The following BAIAP2L1 variants were observed in gnomAD, a reference collection of about 807,000 sequenced individuals.
The protein encoded by BAIAP2L1 is BAR/IMD domain-containing adapter protein 2-like 1.
In BAIAP2L1, 35 loss-of-function variants were observed where a neutral mutation model predicts 66.3. The observed-to-expected ratio is 0.53, with a 90% CI of 0.40 to 0.70. The LOEUF (loss-of-function observed/expected upper bound fraction) is 0.70, where lower values mean the gene tolerates loss of function less well. Ranked by LOEUF, BAIAP2L1 falls within the 30% of genes least tolerant of loss-of-function variation. BAIAP2L1 has a pLI of 0.00. For synonymous variants in BAIAP2L1, 269 were observed against 248.7 expected (o/e 1.08, Z -0.77); for missense variants, 622 against 656.9 (o/e 0.95, Z 0.58).
Position 98,317,155 on chromosome 7 carries a change from C to A in BAIAP2L1, c.486+64G>T, listed in dbSNP as rs549517081. On this transcript the variant is annotated intron_variant, in intron 6 of 13. Coordinates refer to ENST00000005260, the MANE Select transcript of BAIAP2L1 (RefSeq NM_018842.5). ...GGCGTGAGCCACCGCACCCGGCTAA[C>A]CTCCTCTTAAACTGTGCAAATTGTC... 1.1e-5 allele frequency: 18 copies of A among 1,606,096 alleles called. No homozygotes were observed. In the South Asian group the frequency reaches 1.3e-4, roughly 12 times the overall value.
chr7:98,383,443 T>C (rs1802809226), intron 1 of BAIAP2L1, among the ~76,000 whole-genome samples: 1 of 151,782 alleles, frequency 6.6e-6, no homozygotes. Context: ...GCCACCACGC[T>C]TGGCTAATTA....
In BAIAP2L1 at chr7:98,304,196, A is replaced by G. The variant is rs1424590178; in HGVS notation, c.1422T>C (p.Pro474=). ...APASKPETAA[P]NDANGTAKPP... The stretch of plus-strand genomic sequence containing the variant: ...GACGCCCTGCTGCGGCTTTACTCAC[A>G]GGAGCCGCGGTCTCGGGCTTGGACG... The change falls in exon 12 of 14, where the codon CCT becomes CCC. Residue 474 remains proline, a splice_region_variant and synonymous_variant. Transcript: ENST00000005260. 1 of 1,583,894 alleles carries G rather than the reference A, an allele frequency of 6.3e-7. No homozygotes were observed. Among genetic ancestry groups the G allele is most frequent in the East Asian group, 2.3e-5 (1 of 43,614 alleles).
At chr7:98,352,139 C>A (rs1488076293) in intron 3 of BAIAP2L1, among the ~76,000 whole-genome samples, 1 of 150,674 alleles carries the variant, frequency 6.6e-6, no homozygotes, top group Non-Finnish European at 1.5e-5. Context: ...TAAACAGATA[C>A]GGGGTGCCTT....
chr7:98,353,605 TATGTATATTTATAATATAC>T (rs1256999497), intron 3 of BAIAP2L1, among the ~76,000 whole-genome samples: 1 of 138,642 alleles, frequency 7.2e-6, no homozygotes, highest in Non-Finnish European at 1.5e-5. Flanking sequence ...ATGTATATTA[TATGTATATTTATAATATAC>T]ATATATTTAT....
At position 98,307,698 on chromosome 7, in the gene BAIAP2L1, A is replaced by G; in HGVS notation, c.1154T>C (p.Val385Ala). Residue 385 changes from valine (V) to alanine (A), a missense_variant, in exon 10 of 14, where the codon GTG becomes GCG. By Grantham distance (64) the Val-to-Ala change is moderately conservative (BLOSUM62 0). Transcript: ENST00000005260. ...KDGWLYGEHD[V>A]SKARGWFPSS... is the part of the protein sequence containing the mutation. ...TCACGCCCAGACTTACGCCTTGGAC[A>G]CGTCGTGTTCTCCATAGAGCCAGCC... The G allele has an allele frequency of 6.2e-7, 1 of 1,614,042 alleles. No individual in the cohort carries two copies. Among genetic ancestry groups the G allele is most frequent in the Non-Finnish European group, 8.5e-7 (1 of 1,180,048 alleles).
intron 3 of BAIAP2L1, among the ~76,000 whole-genome samples, chr7:98,348,583 A>AG (rs1333657577): frequency 4.9e-4 from 70 of 143,772 alleles, no homozygotes; most frequent in Middle Eastern, 3.6e-3. Context: ...AAAAAAAAAA[A>AG]AAAGAAAGAA....
intron 1 of BAIAP2L1, among the ~76,000 whole-genome samples, chr7:98,393,540 C>T (rs1803122914): frequency 6.6e-6 from 1 of 151,888 alleles, no homozygotes; most frequent in South Asian, 2.1e-4. Context: ...CTCTGTCGCC[C>T]AGGCTGGAGT....
At chr7:98,315,712 G>C (rs545908325) in intron 6 of BAIAP2L1, 100 bp from the exon 7 acceptor site, 87 of 509,336 alleles carry the variant, frequency 1.7e-4, no homozygotes, top group Admixed American at 1.0e-3. Flanking sequence ...CTTTACACCT[G>C]CTTTATTTGA....
chr7:98,353,326 TATATAAATATATAA>T (rs1212357646), intron 3 of BAIAP2L1, among the ~76,000 whole-genome samples: 1 of 133,958 alleles, frequency 7.5e-6, no homozygotes, highest in Non-Finnish European at 1.5e-5. Flanking sequence ...CCCTAAAATA[TATATAAATATATAA>T]ATATATTTAT....
At position 98,304,287 on chromosome 7, in the gene BAIAP2L1, G is replaced by C. The variant is rs772090261; in HGVS notation, c.1331C>G (p.Ser444Cys). The C allele has an allele frequency of 6.2e-7, 1 of 1,613,724 alleles. No individual in the cohort carries two copies. Among genetic ancestry groups the C allele is most frequent in the Non-Finnish European group, 8.5e-7 (1 of 1,179,784 alleles). The change falls in exon 12 of 14, where the codon TCC becomes TGC. Residue 444 changes from serine to cysteine, a missense_variant. Coordinates refer to ENST00000005260, the MANE Select transcript of BAIAP2L1 (RefSeq NM_018842.5). ...IPPPDYLECL[S>C]MGAAADRRAD... ...TCTCCTGTCGGCAGCTGCCCCCATG[G>C]ACAAGCATTCCAAGTAGTCGGGTGG...
intron 3 of BAIAP2L1, among the ~76,000 whole-genome samples, chr7:98,349,886 A>G (rs982022895): frequency 2.0e-5 from 3 of 151,984 alleles, no homozygotes; most frequent in African/African-American, 7.2e-5. Context: ...GAGAAACCCC[A>G]TCTCTACTGA....
intron 3 of BAIAP2L1, among the ~76,000 whole-genome samples, chr7:98,341,471 C>T (rs1801739319): frequency 6.6e-6 from 1 of 151,992 alleles, no homozygotes; most frequent in Non-Finnish European, 1.5e-5. Context: ...CTGCTTCAGC[C>T]CAGGAGTTCG....
chr7:98,305,054 T>G (rs6953099), intron 11 of BAIAP2L1, among the ~76,000 whole-genome samples: 41,341 of 117,590 alleles, frequency 0.35, 7,116 homozygotes, highest in Middle Eastern at 0.46. Context: ...TTTGTTTTTT[T>G]TTTTTTTTTT....
chr7:98,386,862 A>ATTGG, intron 1 of BAIAP2L1, among the ~76,000 whole-genome samples: 1 of 151,516 alleles, frequency 6.6e-6, no homozygotes, highest in Admixed American at 6.6e-5. Flanking sequence ...ACTGCACCCA[A>ATTGG]CTAATTTTTT....
rs1297348423 is a variant in BAIAP2L1, at chr7:98,293,558, G to A, written c.1499C>T (p.Thr500Ile). The change falls in exon 14 of 14, where the codon ACT becomes ATT. Residue 500 changes from threonine to isoleucine, a missense_variant. Coordinates refer to ENST00000005260, the MANE Select transcript of BAIAP2L1 (RefSeq NM_018842.5). ...NPFATVKLRPTVTNDRSAPII... is the reference protein window; with the variant it reads ...NPFATVKLRPIVTNDRSAPII... ...GGGTGCCGAGCGATCATTCGTCACA[G>A]TCGGGCGGAGTTTCACAGTGGCAAA... is the stretch of plus-strand genomic sequence containing the variant. 1.2e-6 allele frequency: 2 copies of A among 1,613,962 alleles called. No homozygotes were observed.
At chr7:98,382,813 C>T (rs1802789852) in intron 1 of BAIAP2L1, among the ~76,000 whole-genome samples, 1 of 152,152 alleles carries the variant, frequency 6.6e-6, no homozygotes, top group African/African-American at 2.4e-5. Context: ...AAATTCTGAA[C>T]TTCATAGGGA....
chr7:98,390,740 A>C (rs960112088), intron 1 of BAIAP2L1, among the ~76,000 whole-genome samples: 2 of 151,650 alleles, frequency 1.3e-5, no homozygotes, highest in African/African-American at 2.4e-5. Flanking sequence ...TCAAAAAAAA[A>C]CAAAAAACAA....
Position 98,306,623 on chromosome 7 carries a change from A to C in BAIAP2L1, c.1164-107T>G. On this transcript the variant is annotated intron_variant, in intron 10 of 13. Coordinates refer to ENST00000005260, the MANE Select transcript of BAIAP2L1 (RefSeq NM_018842.5). ...AGGGCAGACAGGTCCACTGCTCCAG[A>C]AACGCCCATGTGTGGAGGAAATGAA... 2.6e-6 allele frequency: 4 copies of C among 1,516,694 alleles called. No individual in the cohort carries two copies. The South Asian group carries it at 4.7e-5, about 18-fold the overall frequency. 94.0% of individuals were successfully genotyped at this position (1,516,694 alleles called of 1,614,324 possible). A position where few individuals can be genotyped will look rare whatever the true frequency, so the allele number is the denominator to read the frequency against.
chr7:98,349,243 G>T (rs368465881), intron 3 of BAIAP2L1, among the ~76,000 whole-genome samples: 1 of 152,170 alleles, frequency 6.6e-6, no homozygotes, highest in Admixed American at 6.6e-5. Flanking sequence ...AACCCCTGAG[G>T]AAGAAGTCAC....
Sources: gnomAD v4.1 joint callset for allele counts (sites outside exome capture counted in the v4.1 genomes callset) on GRCh38, gnomAD v4.1.1 for gene constraint, MANE v1.5 for transcripts, NCBI Gene and HGNC (gene_info 2026-07-23, HGNC 2026-07-21) for gene names.